Variants in PTPN4 observed in about 807,000 individuals in gnomAD.
The protein encoded by PTPN4 is tyrosine-protein phosphatase non-receptor type 4.
In PTPN4, 49 loss-of-function variants were observed where a neutral mutation model predicts 135.5. The observed-to-expected ratio is 0.36, with a 90% CI of 0.29 to 0.46. PTPN4 has a LOEUF of 0.46. Among genes scored for constraint, PTPN4 ranks in the 20% least tolerant of loss-of-function variants. The pLI is 1.00. For missense variants in PTPN4, 860 were observed against 1,101.0 expected, an observed-to-expected ratio of 0.78 and a Z score of 3.10; for synonymous variants, 333 against 369.9, an observed-to-expected ratio of 0.90 and a Z score of 1.14.
chr2:119,784,472 C>A (rs559934950), intron 1 of PTPN4, among the ~76,000 whole-genome samples: 15 of 150,362 alleles, frequency 1.0e-4, no homozygotes, highest in Non-Finnish European at 2.1e-4. Flanking sequence ...CTGCAAGCTC[C>A]GCCTCCCGGG....
chr2:119,908,978 T>C (rs1427616628), intron 10 of PTPN4, among the ~76,000 whole-genome samples: 1 of 152,070 alleles, frequency 6.6e-6, no homozygotes, highest in Non-Finnish European at 1.5e-5. Context: ...CTAACTCTCT[T>C]TAATTATGTG....
chr2:119,880,940 T>C (rs1292609086), intron 5 of PTPN4, among the ~76,000 whole-genome samples: 1 of 152,186 alleles, frequency 6.6e-6, no homozygotes, highest in Admixed American at 6.5e-5. Context: ...GAATTTCTAA[T>C]GACTTTTGAC....
intron 26 of PTPN4, among the ~76,000 whole-genome samples, chr2:119,969,804 C>T (rs1332524076): frequency 2.0e-5 from 3 of 151,966 alleles, no homozygotes; most frequent in African/African-American, 4.8e-5. Flanking sequence ...GTGATCCACC[C>T]GCCTTGGCCT....
At chr2:119,910,493 G>A (rs1049230655) in intron 10 of PTPN4, among the ~76,000 whole-genome samples, 1 of 152,114 alleles carries the variant, frequency 6.6e-6, no homozygotes, top group African/African-American at 2.4e-5. Context: ...AAATCATATT[G>A]TGAGCAGATT....
intron 19 of PTPN4, among the ~76,000 whole-genome samples, chr2:119,954,109 T>G (rs1679246951): frequency 6.6e-6 from 1 of 152,234 alleles, no homozygotes; most frequent in African/African-American, 2.4e-5. Context: ...CTTTTCTCCT[T>G]TAATTCTTAT....
chr2:119,930,524 A>T (rs913057250), intron 13 of PTPN4, among the ~76,000 whole-genome samples: 1 of 152,188 alleles, frequency 6.6e-6, no homozygotes, highest in Non-Finnish European at 1.5e-5. Flanking sequence ...ATACATTTAG[A>T]TACAGAAACA....
At chr2:119,791,816 A>T (rs981468786) in intron 1 of PTPN4, among the ~76,000 whole-genome samples, 1 of 152,142 alleles carries the variant, frequency 6.6e-6, no homozygotes, top group African/African-American at 2.4e-5. Context: ...GGATGTGTAG[A>T]TTAATTTTTC....
chr2:119,857,620 T>C (rs1463188160), intron 2 of PTPN4, among the ~76,000 whole-genome samples: 1 of 151,880 alleles, frequency 6.6e-6, no homozygotes, highest in Non-Finnish European at 1.5e-5. Context: ...TTACCCTAAC[T>C]GCCTAAAATA....
chr2:119,779,343 C>T (rs527651598), intron 1 of PTPN4, among the ~76,000 whole-genome samples: 6 of 152,130 alleles, frequency 3.9e-5, no homozygotes, highest in African/African-American at 4.8e-5. Flanking sequence ...GTCGGCTGGG[C>T]GCGGTGGCTC....
At chr2:119,798,699 G>A (rs1691307428) in intron 1 of PTPN4, among the ~76,000 whole-genome samples, 1 of 152,152 alleles carries the variant, frequency 6.6e-6, no homozygotes, top group South Asian at 2.1e-4. Flanking sequence ...GTTAGTTTAT[G>A]GAAAAATCAA....
chr2:119,965,694 A>C, intron 25 of PTPN4, 49 bp downstream of exon 25: 1 of 1,551,406 alleles, frequency 6.4e-7, no homozygotes, highest in Non-Finnish European at 8.7e-7. Context: ...CAGATACGTC[A>C]TTTTTAAAAG....
intron 1 of PTPN4, among the ~76,000 whole-genome samples, chr2:119,803,776 C>CT (rs993817554): frequency 3.3e-5 from 5 of 151,262 alleles, no homozygotes; most frequent in Non-Finnish European, 7.4e-5. Context: ...TGGGATTTAT[C>CT]TTTTTTTATT....
chr2:119,939,891 G>A (rs969218351), intron 15 of PTPN4, among the ~76,000 whole-genome samples: 1 of 152,172 alleles, frequency 6.6e-6, no homozygotes, highest in African/African-American at 2.4e-5. Context: ...AAAATCGAAG[G>A]TTTGAATAGA....
intron 1 of PTPN4, among the ~76,000 whole-genome samples, chr2:119,775,827 A>G (rs1044015336): frequency 2.0e-5 from 3 of 151,698 alleles, no homozygotes; most frequent in Admixed American, 2.0e-4. Context: ...ATCTATATCT[A>G]TATCTATATC....
chr2:119,799,563 G>C (rs527333890), intron 1 of PTPN4, among the ~76,000 whole-genome samples: 2 of 152,244 alleles, frequency 1.3e-5, no homozygotes, highest in East Asian at 3.9e-4. Flanking sequence ...CTGGCTATAA[G>C]TCTGCCACCT....
At chr2:119,858,757 C>T (rs779213664) in intron 2 of PTPN4, among the ~76,000 whole-genome samples, 13 of 151,922 alleles carry the variant, frequency 8.6e-5, no homozygotes, top group African/African-American at 1.4e-4. Context: ...CTCAGCCTCC[C>T]GGGTAGCTGG....
chr2:119,889,890 A>G (rs2105007915), intron 9 of PTPN4, among the ~76,000 whole-genome samples: 1 of 152,322 alleles, frequency 6.6e-6, no homozygotes, highest in Non-Finnish European at 1.5e-5. Flanking sequence ...GTCATTTAGA[A>G]GCATGTTGTT....
chr2:119,767,092 G>A (rs751337284), intron 1 of PTPN4, among the ~76,000 whole-genome samples: 1 of 152,208 alleles, frequency 6.6e-6, no homozygotes, highest in Non-Finnish European at 1.5e-5. Flanking sequence ...CATTGTACTA[G>A]CTATGTACCG....
chr2:119,844,445 C>A (rs1308709771), intron 2 of PTPN4, among the ~76,000 whole-genome samples: 1 of 148,904 alleles, frequency 6.7e-6, no homozygotes, highest in Non-Finnish European at 1.5e-5. Flanking sequence ...AGAGGCTCCT[C>A]ACTTCTCAGA....
Sources: allele counts gnomAD v4.1 joint callset (sites outside exome capture counted in the v4.1 genomes callset), GRCh38; gene constraint gnomAD v4.1.1; transcripts MANE v1.5; gene names NCBI Gene and HGNC (gene_info 2026-07-23, HGNC 2026-07-21).